ZNF79: variants seen among roughly 807,000 people sequenced by gnomAD.
The protein encoded by ZNF79 is ZNFpT7.
Under a neutral mutation model 14.9 loss-of-function variants are expected in ZNF79, and 13 were observed. That is an observed-to-expected ratio of 0.87 (90% CI 0.57 to 1.38). The LOEUF (loss-of-function observed/expected upper bound fraction) is 1.38, where lower values mean the gene tolerates loss of function less well. Ranked by LOEUF, ZNF79 falls within the 40% of genes most tolerant of loss-of-function variation. ZNF79 has a pLI of 0.00. For synonymous variants in ZNF79, 223 were observed against 235.1 expected, an observed-to-expected ratio of 0.95 and a Z score of 0.47; for missense variants, 631 against 630.6, an observed-to-expected ratio of 1.00 and a Z score of -0.01.
rs768311239 is a variant in ZNF79, at chr9:127,436,023, G to T, written c.328+20G>T. On this transcript the variant is annotated intron_variant, in intron 4 of 4. Coordinates refer to ENST00000342483, the MANE Select transcript of ZNF79 (RefSeq NM_007135.3). ...CTCCAGGTATGTGAGCAAGCACTTAGCCAGTGGGAGTCTTGGGAGCAAAAG... is the reference window on the plus strand; with the variant it reads ...CTCCAGGTATGTGAGCAAGCACTTATCCAGTGGGAGTCTTGGGAGCAAAAG... The T allele has an allele frequency of 4.0e-5, 65 of 1,609,038 alleles. No homozygotes were observed. The South Asian group carries it at 6.8e-4, about 17-fold the overall frequency.
At position 127,428,807 on chromosome 9, in the gene ZNF79, T is replaced by G. The variant is rs182386867; in HGVS notation, c.17-25T>G. ...TGACTTCATAAACTGCTTTTAACAT[T>G]ATTAGTTTTTTTCTCTTTCTCTAGT... is the stretch of plus-strand genomic sequence containing the variant. On this transcript the variant is annotated intron_variant, in intron 1 of 4. Coordinates refer to ENST00000342483, the MANE Select transcript of ZNF79 (RefSeq NM_007135.3). 2.3e-4 allele frequency: 355 copies of G among 1,537,708 alleles called. 2 individuals are homozygous for G. The East Asian group carries it at 4.7e-3, about 20-fold the overall frequency.
chr9:127,445,194 G>A lies in ZNF79; in HGVS notation c.1494G>A (p.Glu498=), dbSNP rs774659177. The change falls in exon 5 of 5, where the codon GAG becomes GAA. Residue 498 remains glutamate (E), a synonymous_variant. Transcript: ENST00000342483. ...GACATCAGAGACTCCACGCCGGAGAGTAACTAGGAACATGGTAGAAGTGGA... is the reference window on the plus strand; with the variant it reads ...GACATCAGAGACTCCACGCCGGAGAATAACTAGGAACATGGTAGAAGTGGA... ...FVRHQRLHAG[E] 2 of 1,613,632 alleles carry A rather than the reference G, an allele frequency of 1.2e-6. No individual in the cohort carries two copies. The highest frequency in any genetic ancestry group is 1.7e-5 in the Admixed American group (1 of 60,016).
At chr9:127,426,038 G>T (rs1033721575) in intron 1 of ZNF79, among the ~76,000 whole-genome samples, 5 of 152,226 alleles carry the variant, frequency 3.3e-5, no homozygotes, top group Non-Finnish European at 7.3e-5. Flanking sequence ...GAAAGGAAGT[G>T]CTGTCAGGTT....
Position 127,444,445 on chromosome 9 carries a change from T to C in ZNF79, c.745T>C (p.Tyr249His). ...GAGGATTCACACTGGAGAGAAGCCT[T>C]ACAAGTGCAGTGAATGTGGAAGAGC... ...HQRIHTGEKPYKCSECGRAFS... is the reference protein window; with the variant it reads ...HQRIHTGEKPHKCSECGRAFS... The change falls in exon 5 of 5, where the codon TAC becomes CAC. Residue 249 changes from tyrosine to histidine, a missense_variant. Coordinates refer to ENST00000342483, the MANE Select transcript of ZNF79 (RefSeq NM_007135.3). The C allele has an allele frequency of 6.2e-7, 1 of 1,613,522 alleles. No individual in the cohort carries two copies. The highest frequency in any genetic ancestry group is 8.5e-7 in the Non-Finnish European group (1 of 1,179,792).
intron 4 of ZNF79, among the ~76,000 whole-genome samples, chr9:127,440,783 G>A (rs531313241): frequency 1.3e-5 from 2 of 152,148 alleles, no homozygotes; most frequent in South Asian, 2.1e-4. Context: ...ACATATTTTG[G>A]TGTTAAAGCC....
At chr9:127,433,954 G>T (rs4628351) in intron 2 of ZNF79, among the ~76,000 whole-genome samples, 91,906 of 151,918 alleles carry the variant, frequency 0.6, 28,124 homozygotes, top group African/African-American at 0.63. Flanking sequence ...ACCTCTCCAT[G>T]CCTCCATCTC....
At chr9:127,441,541 G>A (rs1195331824) in intron 4 of ZNF79, among the ~76,000 whole-genome samples, 1 of 152,216 alleles carries the variant, frequency 6.6e-6, no homozygotes, top group African/African-American at 2.4e-5. Flanking sequence ...GTTGGGCGTG[G>A]TGGCTCACAC....
Position 127,444,936 on chromosome 9 carries a change from C to T in ZNF79, c.1236C>T (p.Thr412=), listed in dbSNP as rs147671105. ...TCATAATCCACCAAAAGACCCACAC[C>T]GGGGAGAAGCCATATAAATGTAATG... ...TNLIIHQKTH[T]GEKPYKCNEC... The change falls in exon 5 of 5, where the codon ACC becomes ACT. Residue 412 remains threonine (T), a synonymous_variant. Coordinates refer to ENST00000342483, the MANE Select transcript of ZNF79 (RefSeq NM_007135.3). 49 of 1,613,986 alleles carry T rather than the reference C, an allele frequency of 3.0e-5. No individual in the cohort carries two copies. The African/African-American group carries it at 3.5e-4, about 11-fold the overall frequency.
At chr9:127,440,146 G>T (rs1834025364) in intron 4 of ZNF79, among the ~76,000 whole-genome samples, 1 of 152,198 alleles carries the variant, frequency 6.6e-6, no homozygotes, top group Non-Finnish European at 1.5e-5. Context: ...ACAGGCATGA[G>T]CCACCGCGCC....
chr9:127,425,601 T>G (rs1347997083), intron 1 of ZNF79, among the ~76,000 whole-genome samples: 1 of 152,066 alleles, frequency 6.6e-6, no homozygotes, highest in Non-Finnish European at 1.5e-5. Flanking sequence ...GTTTGTTTTG[T>G]TTTGTTTTTG....
At chr9:127,431,228 A>G (rs776816068) in intron 2 of ZNF79, among the ~76,000 whole-genome samples, 6 of 148,042 alleles carry the variant, frequency 4.1e-5, no homozygotes, top group Non-Finnish European at 3.0e-5. Context: ...TCAGTTGTGT[A>G]TTGAGTCTGT....
intron 4 of ZNF79, among the ~76,000 whole-genome samples, chr9:127,437,333 T>G (rs1223113809): frequency 1.6e-5 from 2 of 122,658 alleles, no homozygotes; most frequent in East Asian, 4.1e-4. Flanking sequence ...CTTCCTTCTC[T>G]CAAGGCCCCC....
intron 2 of ZNF79, among the ~76,000 whole-genome samples, chr9:127,433,992 C>T (rs1161408731): frequency 6.6e-6 from 1 of 152,218 alleles, no homozygotes; most frequent in Non-Finnish European, 1.5e-5. Flanking sequence ...CAGCGGCTCC[C>T]TGTTGCCTGA....
chr9:127,435,802 T>C lies in ZNF79; in HGVS notation c.233-106T>C, dbSNP rs78224870. On this transcript the variant is annotated intron_variant, in intron 3 of 4. Coordinates refer to ENST00000342483, the MANE Select transcript of ZNF79 (RefSeq NM_007135.3). ...AAGAGCTCAATAAGGATTTGTTGGC[T>C]GAATGAAATGAACAGTCCAACTGGC... 6.3e-3 allele frequency: 5,378 copies of C among 858,296 alleles called. 191 individuals are homozygous for C. In the African/African-American group the frequency reaches 0.077, roughly 12 times the overall value. 53.2% of individuals were successfully genotyped at this position (858,296 alleles called of 1,614,324 possible).
In ZNF79 at chr9:127,444,213, A is replaced by C. The variant is rs147701310; in HGVS notation, c.513A>C (p.Lys171Asn). 1 of 1,614,102 alleles carries C rather than the reference A, an allele frequency of 6.2e-7. No homozygotes were observed. Among genetic ancestry groups the C allele is most frequent in the African/African-American group, 1.3e-5 (1 of 75,038 alleles). Residue 171 changes from lysine (K) to asparagine (N), a missense_variant, in exon 5 of 5, where the codon AAA becomes AAC. Transcript: ENST00000342483. ...QRVPVEARPRKCETHTESFKN... is the reference protein window; with the variant it reads ...QRVPVEARPRNCETHTESFKN... ...TGCCCGTGGAAGCGAGACCTCGCAA[A>C]TGTGAGACACACACCGAGAGCTTCA...
chr9:127,434,037 G>A lies in ZNF79; in HGVS notation c.106-1053G>A, dbSNP rs116604302. On this transcript the variant is annotated intron_variant, in intron 2 of 4. Coordinates refer to ENST00000342483, the MANE Select transcript of ZNF79 (RefSeq NM_007135.3). ...GCATCACATTTATCAAGTGATTCAA[G>A]GCTTTTTACATTCTGACCTCAACAA... 3.0e-3 allele frequency among the ~76,000 whole-genome samples: 451 copies of A among 152,244 alleles called. 1 individual carries two copies. Among genetic ancestry groups the A allele is most frequent in the African/African-American group, 0.01 (429 of 41,528 alleles).
intron 2 of ZNF79, among the ~76,000 whole-genome samples, chr9:127,431,338 C>T (rs1833856177): frequency 6.6e-6 from 1 of 151,666 alleles, no homozygotes; most frequent in Non-Finnish European, 1.5e-5. Flanking sequence ...CTCACTGCAG[C>T]CTCCACCCCC....
At chr9:127,426,658 T>C (rs971450729) in intron 1 of ZNF79, among the ~76,000 whole-genome samples, 3 of 152,208 alleles carry the variant, frequency 2.0e-5, no homozygotes, top group Admixed American at 1.3e-4. Context: ...GCTTAGCACA[T>C]CATTTTCAGG....
chr9:127,424,879 C>T, intron 1 of ZNF79, 76 bp downstream of exon 1: 1 of 1,602,416 alleles, frequency 6.2e-7, no homozygotes, highest in South Asian at 1.1e-5. Context: ...GCTGTGTGAG[C>T]CGAATCAGAA....
Sources: allele counts gnomAD v4.1 joint callset (sites outside exome capture counted in the v4.1 genomes callset), GRCh38; gene constraint gnomAD v4.1.1; transcripts MANE v1.5; gene names NCBI Gene and HGNC (gene_info 2026-07-23, HGNC 2026-07-21).